The following SLC25A31 variants were observed in gnomAD, a reference collection of about 807,000 sequenced individuals.
The protein encoded by SLC25A31 is ADP/ATP translocase 4.
A neutral mutation model predicts 36.2 loss-of-function variants in SLC25A31; 40 were observed. That is an observed-to-expected ratio of 1.10 (90% CI 0.86 to 1.44). The LOEUF (loss-of-function observed/expected upper bound fraction) is 1.44, where lower values mean the gene tolerates loss of function less well. Ranked by LOEUF, SLC25A31 falls within the 40% of genes most tolerant of loss-of-function variation. The pLI, the probability that SLC25A31 is intolerant of heterozygous loss-of-function variation, is 0.00. For missense variants in SLC25A31, 350 were observed against 397.1 expected (o/e 0.88, Z 1.01); for synonymous variants, 143 against 149.7 (o/e 0.96, Z 0.32).
chr4:127,752,008 T>C (rs1235276825), intron 2 of SLC25A31, among the ~76,000 whole-genome samples: 1 of 152,230 alleles, frequency 6.6e-6, no homozygotes, highest in Admixed American at 6.5e-5. Context: ...GAAGACAGTG[T>C]GGCGATTCCT....
intron 1 of SLC25A31, among the ~76,000 whole-genome samples, chr4:127,734,479 G>C (rs1731586201): frequency 2.2e-5 from 3 of 137,870 alleles, no homozygotes; most frequent in South Asian, 4.6e-4. Context: ...AGAATCACTT[G>C]AACCTGGGAA....
intron 3 of SLC25A31, among the ~76,000 whole-genome samples, chr4:127,766,154 T>TA (rs1379758346): frequency 2.7e-5 from 4 of 149,918 alleles, no homozygotes; most frequent in African/African-American, 9.8e-5. Flanking sequence ...TTTTATTTGT[T>TA]TTTTTTTTTG....
chr4:127,753,928 A>G (rs1180840787), intron 2 of SLC25A31, among the ~76,000 whole-genome samples: 2 of 152,152 alleles, frequency 1.3e-5, no homozygotes, highest in Non-Finnish European at 2.9e-5. Flanking sequence ...AAATACTAGC[A>G]AACTGAATTC....
intron 1 of SLC25A31, among the ~76,000 whole-genome samples, chr4:127,734,741 G>A (rs1271518886): frequency 6.6e-6 from 1 of 151,862 alleles, no homozygotes; most frequent in Non-Finnish European, 1.5e-5. Flanking sequence ...CCATCTTGAA[G>A]ATGCTATTTT....
At chr4:127,771,216 C>T (rs1291196871) in intron 5 of SLC25A31, among the ~76,000 whole-genome samples, 1 of 152,092 alleles carries the variant, frequency 6.6e-6, no homozygotes, top group East Asian at 1.9e-4. Context: ...CACAGCCTCC[C>T]GAAGTGGTAG....
intron 1 of SLC25A31, among the ~76,000 whole-genome samples, chr4:127,736,297 C>T (rs1731632246): frequency 6.6e-6 from 1 of 152,026 alleles, no homozygotes; most frequent in South Asian, 2.1e-4. Flanking sequence ...TTTTCTCATC[C>T]TTCTTAAATT....
chr4:127,767,799 C>T (rs1180887884), intron 4 of SLC25A31, among the ~76,000 whole-genome samples: 1 of 151,978 alleles, frequency 6.6e-6, no homozygotes, highest in Non-Finnish European at 1.5e-5. Context: ...TTAGCTATTA[C>T]CTAGTTCTAG....
In SLC25A31 at chr4:127,730,583, G is replaced by A. The variant is rs1480124960; in HGVS notation, c.38G>A (p.Arg13Gln). 1.2e-6 allele frequency: 2 copies of A among 1,614,030 alleles called. No individual in the cohort carries two copies. ...REPAKKKAEK[R>Q]LFDASSFGKD... ...CCTGCGAAAAAGAAGGCAGAAAAGC[G>A]GCTGTTTGACGCCTCATCCTTCGGG... is the stretch of plus-strand genomic sequence containing the variant. The change falls in exon 1 of 6, where the codon CGG (arginine) becomes CAG (glutamine). Residue 13 changes from arginine (R) to glutamine (Q), a missense_variant. Physicochemically the swap from Arg to Gln is conservative, Grantham distance 43 (BLOSUM62 1). Coordinates refer to ENST00000281154, the MANE Select transcript of SLC25A31 (RefSeq NM_031291.4).
chr4:127,751,472 G>C (rs1285385050), intron 2 of SLC25A31, among the ~76,000 whole-genome samples: 3 of 152,148 alleles, frequency 2.0e-5, no homozygotes, highest in Non-Finnish European at 4.4e-5. Flanking sequence ...AAAAACCCTA[G>C]AAGAAAACCT....
At chr4:127,743,013 C>T (rs1731759118) in intron 1 of SLC25A31, among the ~76,000 whole-genome samples, 1 of 151,464 alleles carries the variant, frequency 6.6e-6, no homozygotes, top group Non-Finnish European at 1.5e-5. Context: ...TAGAACTTTT[C>T]TGTGATTTGT....
Position 127,768,793 on chromosome 4 carries a change from CT to C in SLC25A31, c.680del (p.Phe227SerfsTer6), listed in dbSNP as rs34538293. ...CAAAGAAAACTCCATTTCTTGTCTC[CT>C]TTTTCATTGCTCAAGTTGTGACTAC... ...KPKKTPFLVS[F>X]FIAQVVTTCS... On this transcript the variant is annotated frameshift_variant, in exon 5 of 6. Coordinates refer to ENST00000281154, the MANE Select transcript of SLC25A31 (RefSeq NM_031291.4). LOFTEE classifies it high-confidence loss of function. 1.9e-6 allele frequency: 3 copies of C among 1,606,966 alleles called. No homozygotes were observed. The highest frequency in any genetic ancestry group is 1.1e-5 in the South Asian group (1 of 89,562).
At position 127,768,820 on chromosome 4, in the gene SLC25A31, A is replaced by C; in HGVS notation, c.702A>C (p.Thr234=). Residue 234 remains threonine (T), a synonymous_variant, in exon 5 of 6, where the codon ACA becomes ACC. Coordinates refer to ENST00000281154, the MANE Select transcript of SLC25A31 (RefSeq NM_031291.4). ...TTTTCATTGCTCAAGTTGTGACTAC[A>C]TGCTCTGGAATACTTTCTTATCCCT... The part of the protein sequence containing the change: ...VSFFIAQVVT[T]CSGILSYPFD... 6.2e-7 allele frequency: 1 copy of C among 1,608,982 alleles called. No homozygotes were observed. The highest frequency in any genetic ancestry group is 8.5e-7 in the Non-Finnish European group (1 of 1,177,668).
intron 2 of SLC25A31, among the ~76,000 whole-genome samples, chr4:127,750,262 G>A (rs965980987): frequency 6.6e-6 from 1 of 152,134 alleles, no homozygotes; most frequent in East Asian, 1.9e-4. Context: ...AGGTATACAG[G>A]TGCTCGTCAA....
chr4:127,752,567 TAA>T (rs139027354), intron 2 of SLC25A31, among the ~76,000 whole-genome samples: 1 of 131,968 alleles, frequency 7.6e-6, no homozygotes, highest in African/African-American at 2.8e-5. Flanking sequence ...TAAAGTATAA[TAA>T]AAAAAAAAAA....
chr4:127,771,853 C>T (rs1004530893), intron 5 of SLC25A31, among the ~76,000 whole-genome samples: 1 of 152,126 alleles, frequency 6.6e-6, no homozygotes, highest in African/African-American at 2.4e-5. Context: ...ATGATTAAAC[C>T]TTTTTTTCTT....
intron 3 of SLC25A31, among the ~76,000 whole-genome samples, chr4:127,765,443 T>C (rs1239963752): frequency 1.3e-5 from 2 of 152,238 alleles, no homozygotes; most frequent in African/African-American, 2.4e-5. Context: ...TTGGCCTATC[T>C]GGCTTTAAAC....
chr4:127,768,545 T>C (rs912180234), intron 4 of SLC25A31, among the ~76,000 whole-genome samples: 2 of 152,156 alleles, frequency 1.3e-5, no homozygotes, highest in African/African-American at 4.8e-5. Flanking sequence ...GCAAATATGC[T>C]TTATATTTTT....
At chr4:127,762,059 G>T (rs552364308) in intron 2 of SLC25A31, among the ~76,000 whole-genome samples, 1 of 152,290 alleles carries the variant, frequency 6.6e-6, no homozygotes, top group African/African-American at 2.4e-5. Context: ...GGAACAGTAA[G>T]TGGCATTACC....
intron 5 of SLC25A31, among the ~76,000 whole-genome samples, chr4:127,770,949 CTTTTTTTTTTTTTT>C (rs558206857): frequency 1.2e-5 from 1 of 80,812 alleles, no homozygotes; most frequent in Non-Finnish European, 2.3e-5. Flanking sequence ...TCTTCTTCTT[CTTTTTTTTTTTTTT>C]TTTTTTTTTT....
Sources: gnomAD v4.1 joint callset for allele counts (sites outside exome capture counted in the v4.1 genomes callset) on GRCh38, gnomAD v4.1.1 for gene constraint, MANE v1.5 for transcripts, NCBI Gene and HGNC (gene_info 2026-07-23, HGNC 2026-07-21) for gene names.